The following NPAP1 variants were observed in gnomAD, a reference collection of about 807,000 sequenced individuals.
The protein encoded by NPAP1 is nuclear pore associated protein 1.
For synonymous variants in NPAP1, 616 were observed against 581.4 expected (o/e 1.06, Z -0.86); for missense variants, 1,483 against 1,454.5 (o/e 1.02, Z -0.32).
chr15:24,678,528 C>T lies in NPAP1; in HGVS notation c.2661C>T (p.Ser887=), dbSNP rs374971561. 7 of 1,614,206 alleles carry T rather than the reference C, an allele frequency of 4.3e-6. No homozygotes were observed. Among genetic ancestry groups the T allele is most frequent in the Non-Finnish European group, 5.9e-6 (7 of 1,180,044 alleles). ...AQADRRPTTT[S]SHPLNTGSIS... ...CAGATAGGAGACCAACCACAACTTCCAGCCATCCTTTAAATACAGGATCCA... is the reference window on the plus strand; with the variant it reads ...CAGATAGGAGACCAACCACAACTTCTAGCCATCCTTTAAATACAGGATCCA... Residue 887 remains serine, a synonymous_variant, in exon 1 of 1, where the codon TCC becomes TCT. Transcript: ENST00000329468.
In NPAP1 at chr15:24,677,738, T is replaced by C. The variant is rs2141311020; in HGVS notation, c.1871T>C (p.Leu624Pro). 1 of 1,614,094 alleles carries C rather than the reference T, an allele frequency of 6.2e-7. No individual in the cohort carries two copies. The highest frequency in any genetic ancestry group is 8.5e-7 in the Non-Finnish European group (1 of 1,180,024). ...AAGACATCAGTCTACACATCCCCAC[T>C]TCCATTTATATTCCACAATACCACC... ...PGKTSVYTSP[L>P]PFIFHNTTPS... The change falls in exon 1 of 1, where the codon CTT becomes CCT. Residue 624 changes from leucine (L) to proline (P), a missense_variant. Physicochemically the swap from Leu to Pro is moderately conservative, Grantham distance 98. Transcript: ENST00000329468.
chr15:24,678,823 A>G lies in NPAP1; in HGVS notation c.2956A>G (p.Thr986Ala), dbSNP rs2141313535. The change falls in exon 1 of 1, where the codon ACT becomes GCT. Residue 986 changes from threonine (T) to alanine (A), a missense_variant. Thr to Ala is a moderately conservative substitution (Grantham distance 58). Transcript: ENST00000329468. ...TAKTSGFRIA[T>A]GMPGTGDSTL... is the part of the protein sequence containing the mutation. The stretch of plus-strand genomic sequence containing the variant: ...AAAGACTTCTGGATTTAGAATTGCC[A>G]CTGGGATGCCTGGCACTGGAGACAG... The G allele has an allele frequency of 6.2e-7, 1 of 1,614,214 alleles. No individual in the cohort carries two copies. Among genetic ancestry groups the G allele is most frequent in the Non-Finnish European group, 8.5e-7 (1 of 1,180,034 alleles).
Position 24,677,423 on chromosome 15 carries a change from T to A in NPAP1, c.1556T>A (p.Met519Lys), listed in dbSNP as rs774683810. 3 of 1,614,148 alleles carry A rather than the reference T, an allele frequency of 1.9e-6. No homozygotes were observed. The highest frequency in any genetic ancestry group is 2.5e-6 in the Non-Finnish European group (3 of 1,180,024). Residue 519 changes from methionine (M) to lysine (K), a missense_variant, in exon 1 of 1, where the codon ATG (methionine) becomes AAG (lysine). Transcript: ENST00000329468. ...PPVTRESPISMCVDSPPPLSF... is the reference protein window; with the variant it reads ...PPVTRESPISKCVDSPPPLSF... ...GTCACAAGGGAGTCCCCAATATCTA[T>A]GTGTGTGGATTCCCCTCCTCCTCTT... is the stretch of plus-strand genomic sequence containing the variant.
Position 24,678,842 on chromosome 15 carries a change from G to A in NPAP1, c.2975G>A (p.Gly992Glu), listed in dbSNP as rs763257404. 6 of 1,614,224 alleles carry A rather than the reference G, an allele frequency of 3.7e-6. No homozygotes were observed. The highest frequency in any genetic ancestry group is 5.1e-6 in the Non-Finnish European group (6 of 1,180,046). The change falls in exon 1 of 1, where the codon GGA becomes GAA. Residue 992 changes from glycine (G) to glutamate (E), a missense_variant. Transcript: ENST00000329468. ...ATTGCCACTGGGATGCCTGGCACTGGAGACAGTACCTTACTGGTTGGAAAT... is the reference window on the plus strand; with the variant it reads ...ATTGCCACTGGGATGCCTGGCACTGAAGACAGTACCTTACTGGTTGGAAAT... ...FRIATGMPGT[G>E]DSTLLVGNTI... is the part of the protein sequence containing the mutation.
At position 24,678,023 on chromosome 15, in the gene NPAP1, A is replaced by G. The variant is rs1474675866; in HGVS notation, c.2156A>G (p.Lys719Arg). The part of the protein sequence containing the change: ...VILQSASVSK[K>R]YLPFYLGLPG... Reference sequence around the variant, plus strand: ...TTGCAGTCTGCCTCTGTCTCCAAGAAGTACCTCCCATTTTACCTGGGGCTT... The same window carrying G: ...TTGCAGTCTGCCTCTGTCTCCAAGAGGTACCTCCCATTTTACCTGGGGCTT... The change falls in exon 1 of 1, where the codon AAG (lysine) becomes AGG (arginine). Residue 719 changes from lysine (K) to arginine (R), a missense_variant. Physicochemically the swap from Lys to Arg is conservative, Grantham distance 26. Transcript: ENST00000329468. 9 of 1,614,052 alleles carry G rather than the reference A, an allele frequency of 5.6e-6. No homozygotes were observed. In the Admixed American group the frequency reaches 1.0e-4, roughly 18 times the overall value.
Position 24,679,429 on chromosome 15 carries a change from CT to C in NPAP1, c.*93del. 9.9e-7 allele frequency: 1 copy of C among 1,009,374 alleles called. No homozygotes were observed. The highest frequency in any genetic ancestry group is 2.4e-5 in the East Asian group (1 of 41,058). The allele number at this position is 1,009,374 out of a possible 1,614,324, so 62.5% of individuals were successfully genotyped here. Reference sequence around the variant, plus strand: ...TGTATGGTCATGCTTCTAGTTTCATCTTCATGCCAAGCACCTGCCATGTACC... The same window carrying C: ...TGTATGGTCATGCTTCTAGTTTCATCTCATGCCAAGCACCTGCCATGTACC... On this transcript the variant is annotated 3_prime_UTR_variant, in exon 1 of 1. Coordinates refer to ENST00000329468, the MANE Select transcript of NPAP1 (RefSeq NM_018958.3).
rs186080161 is a variant in NPAP1 at position 24,678,230 on chromosome 15, G to T, written c.2363G>T (p.Ser788Ile). The T allele has an allele frequency of 1.2e-6, 2 of 1,612,792 alleles. No homozygotes were observed. Among genetic ancestry groups the T allele is most frequent in the East Asian group, 2.2e-5 (1 of 44,660 alleles). Reference sequence around the variant, plus strand: ...CCGCAGCAGAAAACCTCTCTCCCCAGTGCCCATGATTTCCTGAGCCTTCCT... The same window carrying T: ...CCGCAGCAGAAAACCTCTCTCCCCATTGCCCATGATTTCCTGAGCCTTCCT... ...DGPQQKTSLP[S>I]AHDFLSLPIM... is the part of the protein sequence containing the mutation. Residue 788 changes from serine to isoleucine, a missense_variant, in exon 1 of 1, where the codon AGT (serine) becomes ATT (isoleucine). Ser to Ile is a moderately radical substitution (Grantham distance 142, BLOSUM62 -2). Coordinates refer to ENST00000329468, the MANE Select transcript of NPAP1 (RefSeq NM_018958.3).
rs1319608393 is a variant in NPAP1 at position 24,680,850 on chromosome 15, T to C, written c.*1512T>C. ...AAAAGAAGCAAAAACATGGAAATTA[T>C]CTGGTAAATTAGCCAGTAACGAATG... On this transcript the variant is annotated 3_prime_UTR_variant, in exon 1 of 1. Transcript: ENST00000329468. 1 of 166,976 alleles carries C rather than the reference T, an allele frequency of 6.0e-6. No homozygotes were observed. 10.3% of individuals were successfully genotyped at this position (166,976 alleles called of 1,614,324 possible).
chr15:24,677,265 T>C lies in NPAP1; in HGVS notation c.1398T>C (p.Pro466=), dbSNP rs2141309969. 6.2e-7 allele frequency: 1 copy of C among 1,614,180 alleles called. No individual in the cohort carries two copies. Among genetic ancestry groups the C allele is most frequent in the Non-Finnish European group, 8.5e-7 (1 of 1,180,036 alleles). The change falls in exon 1 of 1, where the codon CCT becomes CCC. Residue 466 remains proline (P), a synonymous_variant. Transcript: ENST00000329468. ...TCCCTAACTCTCCTCTGGCTCTTCC[T>C]GCTGACCTTGTTCCCATTTTGGGTG... ...FTIPNSPLAL[P]ADLVPILGDQ... is the part of the protein sequence containing the mutation.
At position 24,676,803 on chromosome 15, in the gene NPAP1, A is replaced by G. The variant is rs2141308864; in HGVS notation, c.936A>G (p.Pro312=). 1 of 1,613,246 alleles carries G rather than the reference A, an allele frequency of 6.2e-7. No individual in the cohort carries two copies. Among genetic ancestry groups the G allele is most frequent in the Non-Finnish European group, 8.5e-7 (1 of 1,180,002 alleles). Residue 312 remains proline, a synonymous_variant, in exon 1 of 1, where the codon CCA becomes CCG. Coordinates refer to ENST00000329468, the MANE Select transcript of NPAP1 (RefSeq NM_018958.3). ...ATGAGAAGCCTTTCTGTATTCCTCC[A>G]AGGAGCGCTGCTCCTCCCAGAGCTG... The part of the protein sequence containing the change: ...MPDEKPFCIP[P]RSAAPPRAAR...
In NPAP1 at chr15:24,676,585, C is replaced by G. The variant is rs1023791757; in HGVS notation, c.718C>G (p.Pro240Ala). 2.7e-5 allele frequency: 43 copies of G among 1,614,072 alleles called. No homozygotes were observed. Among genetic ancestry groups the G allele is most frequent in the Non-Finnish European group, 3.6e-5 (42 of 1,180,038 alleles). The change falls in exon 1 of 1, where the codon CCC becomes GCC. Residue 240 changes from proline to alanine, a missense_variant. Physicochemically the swap from Pro to Ala is conservative, Grantham distance 27. Coordinates refer to ENST00000329468, the MANE Select transcript of NPAP1 (RefSeq NM_018958.3). ...CTCCTGCTTGGAAGGCCCTGCCATGCCCAGCACACACAGCCAGGCCGGATG... is the reference window on the plus strand; with the variant it reads ...CTCCTGCTTGGAAGGCCCTGCCATGGCCAGCACACACAGCCAGGCCGGATG... ...ASSCLEGPAM[P>A]STHSQAGCAR...
Position 24,676,853 on chromosome 15 carries a change from A to C in NPAP1, c.986A>C (p.Lys329Thr). The C allele has an allele frequency of 6.2e-7, 1 of 1,613,194 alleles. No individual in the cohort carries two copies. Among genetic ancestry groups the C allele is most frequent in the Non-Finnish European group, 8.5e-7 (1 of 1,180,014 alleles). ...GCCCGCAACAGGCCCTGCAAAAGGA[A>C]AATGTCGATTCCATTGCTGCTGCCG... is the stretch of plus-strand genomic sequence containing the variant. ...RAARNRPCKRKMSIPLLLPLP... is the reference protein window; with the variant it reads ...RAARNRPCKRTMSIPLLLPLP... The change falls in exon 1 of 1, where the codon AAA becomes ACA. Residue 329 changes from lysine to threonine, a missense_variant. Lys to Thr is a moderately conservative substitution (Grantham distance 78). Transcript: ENST00000329468.
chr15:24,682,348 A>G lies in NPAP1; in HGVS notation c.*3010A>G, dbSNP rs773343984. ...ATACCCTTGCAGTATTACCAGGGAC[A>G]AATTTTTTAAAATTCATACTTCTTG... On this transcript the variant is annotated 3_prime_UTR_variant, in exon 1 of 1. Coordinates refer to ENST00000329468, the MANE Select transcript of NPAP1 (RefSeq NM_018958.3). 3 of 166,934 alleles carry G rather than the reference A, an allele frequency of 1.8e-5. No individual in the cohort carries two copies. The highest frequency in any genetic ancestry group is 4.4e-5 in the Non-Finnish European group (3 of 68,116). The allele number at this position is 166,934 out of a possible 1,614,324, so 10.3% of individuals were successfully genotyped here. A position where few individuals can be genotyped will look rare whatever the true frequency, so the allele number is the denominator to read the frequency against.
In NPAP1 at chr15:24,682,017, G is replaced by A. The variant is rs369379895; in HGVS notation, c.*2679G>A. 1 of 166,686 alleles carries A rather than the reference G, an allele frequency of 6.0e-6. No homozygotes were observed. The highest frequency in any genetic ancestry group is 2.4e-5 in the African/African-American group (1 of 41,386). The allele number at this position is 166,686 out of a possible 1,614,324, so 10.3% of individuals were successfully genotyped here. A position where few individuals can be genotyped will look rare whatever the true frequency, so the allele number is the denominator to read the frequency against. On this transcript the variant is annotated 3_prime_UTR_variant, in exon 1 of 1. Transcript: ENST00000329468. ...GTGGCGTGATCTTGGCTCACTGCACGCTCCACCTCTCGGAAGAACCCCTTT... is the reference window on the plus strand; with the variant it reads ...GTGGCGTGATCTTGGCTCACTGCACACTCCACCTCTCGGAAGAACCCCTTT...
chr15:24,676,313 C>G lies in NPAP1; in HGVS notation c.446C>G (p.Thr149Ser), dbSNP rs1381909045. 7 of 1,523,842 alleles carry G rather than the reference C, an allele frequency of 4.6e-6. No individual in the cohort carries two copies. Among genetic ancestry groups the G allele is most frequent in the African/African-American group, 1.4e-5 (1 of 71,894 alleles). 94.4% of individuals were successfully genotyped at this position (1,523,842 alleles called of 1,614,324 possible). The part of the protein sequence containing the change: ...KPIPATLLEE[T>S]EVWAQEGPRR... ...ATCCCAGCCACTCTCCTGGAGGAGA[C>G]CGAGGTGTGGGCCCAAGAAGGGCCC... The change falls in exon 1 of 1, where the codon ACC becomes AGC. Residue 149 changes from threonine (T) to serine (S), a missense_variant. Coordinates refer to ENST00000329468, the MANE Select transcript of NPAP1 (RefSeq NM_018958.3).
rs199720232 is a variant in NPAP1 at position 24,676,642 on chromosome 15, G to C, written c.775G>C (p.Ala259Pro). 7.4e-6 allele frequency: 12 copies of C among 1,613,936 alleles called. No individual in the cohort carries two copies. The African/African-American group carries it at 1.6e-4, about 22-fold the overall frequency. Reference protein sequence around the residue: ...ARHLGKPDPDATAPPEPAVGC... With the variant: ...ARHLGKPDPDPTAPPEPAVGC... The stretch of plus-strand genomic sequence containing the variant: ...GCATCTTGGAAAGCCTGATCCGGAT[G>C]CAACAGCGCCCCCTGAGCCAGCCGT... Residue 259 changes from alanine to proline, a missense_variant, in exon 1 of 1, where the codon GCA (alanine) becomes CCA (proline). Physicochemically the swap from Ala to Pro is conservative, Grantham distance 27. Transcript: ENST00000329468.
chr15:24,680,481 T>G lies in NPAP1; in HGVS notation c.*1143T>G, dbSNP rs2049009978. The G allele has an allele frequency of 6.0e-6, 1 of 167,072 alleles. No individual in the cohort carries two copies. Among genetic ancestry groups the G allele is most frequent in the Non-Finnish European group, 1.5e-5 (1 of 68,128 alleles). 10.3% of individuals were successfully genotyped at this position (167,072 alleles called of 1,614,324 possible). On this transcript the variant is annotated 3_prime_UTR_variant, in exon 1 of 1. Transcript: ENST00000329468. ...ATAAGCACTCTCCCTGCACATACAG[T>G]TCTCATAAATTGACATTGTTCCAGG... is the stretch of plus-strand genomic sequence containing the variant.
chr15:24,680,146 C>A lies in NPAP1; in HGVS notation c.*808C>A. ...GAGTAGCTGGGACTACAGGCATATG[C>A]CACCACACCTGGCTATTTTTTATAA... On this transcript the variant is annotated 3_prime_UTR_variant, in exon 1 of 1. Transcript: ENST00000329468. 6.3e-6 allele frequency: 1 copy of A among 158,726 alleles called. No individual in the cohort carries two copies. The allele number at this position is 158,726 out of a possible 1,614,324, so 9.8% of individuals were successfully genotyped here.
chr15:24,676,047 A>G lies in NPAP1; in HGVS notation c.180A>G (p.Ser60=), dbSNP rs1008120222. The G allele has an allele frequency of 2.5e-6, 4 of 1,590,516 alleles. No individual in the cohort carries two copies. In the African/African-American group the frequency reaches 5.5e-5, roughly 22 times the overall value. The stretch of plus-strand genomic sequence containing the variant: ...GCCGGAACGCCCGTCGCAGGCCTTC[A>G]GCAGCCAGCATCTTCGTCGCCCCTA... ...LFRRNARRRP[S]AASIFVAPKR... is the part of the protein sequence containing the mutation. The change falls in exon 1 of 1, where the codon TCA becomes TCG. Residue 60 remains serine (S), a synonymous_variant. Coordinates refer to ENST00000329468, the MANE Select transcript of NPAP1 (RefSeq NM_018958.3).
Sources: allele counts gnomAD v4.1 joint callset, GRCh38; gene constraint gnomAD v4.1.1; transcripts MANE v1.5; gene names NCBI Gene and HGNC (gene_info 2026-07-23, HGNC 2026-07-21).